The following MEGF10 variants were observed in gnomAD, a reference collection of about 807,000 sequenced individuals.
MEGF10 encodes the protein multiple EGF like domains 10, also known as multiple epidermal growth factor-like domains protein 10.
Under a neutral mutation model 147.5 loss-of-function variants are expected in MEGF10, and 86 were observed. That is an observed-to-expected ratio of 0.58 (90% CI 0.49 to 0.70). MEGF10 has a LOEUF of 0.70. Ranked by LOEUF, MEGF10 falls within the 30% of genes least tolerant of loss-of-function variation. MEGF10 has a pLI of 0.00. For synonymous variants in MEGF10, 478 were observed against 525.5 expected, an observed-to-expected ratio of 0.91 and a Z score of 1.24; for missense variants, 1,329 against 1,487.3, an observed-to-expected ratio of 0.89 and a Z score of 1.75.
chr5:127,433,591 C>T, intron 14 of MEGF10, 82 bp downstream of exon 14: 2 of 1,486,164 alleles, frequency 1.3e-6, no homozygotes, highest in Non-Finnish European at 9.1e-7. Flanking sequence ...TCCCACCTCT[C>T]AGTTTATAGT....
intron 5 of MEGF10, among the ~76,000 whole-genome samples, chr5:127,392,792 G>A (rs1454936697): frequency 6.6e-6 from 1 of 152,158 alleles, no homozygotes; most frequent in Admixed American, 6.5e-5. Context: ...TTACGGACTG[G>A]AGCTTGGATT....
At chr5:127,266,701 C>T in the MEGF10 span, among the ~76,000 whole-genome samples, 28 of 152,210 alleles carry the variant, frequency 1.8e-4, no homozygotes, top group South Asian at 4.2e-3. Context: ...TGGGAGTTCA[C>T]TCATGATTTA....
chr5:127,260,754 T>A, the MEGF10 span, among the ~76,000 whole-genome samples: 1 of 149,186 alleles, frequency 6.7e-6, no homozygotes, highest in Non-Finnish European at 1.5e-5. Context: ...CAGAGTGGAT[T>A]TTAACAAAGG....
intron 1 of MEGF10, among the ~76,000 whole-genome samples, chr5:127,306,556 G>A (rs1760021376): frequency 6.6e-6 from 1 of 151,960 alleles, no homozygotes; most frequent in Non-Finnish European, 1.5e-5. Context: ...GAAATGAGGA[G>A]GGGACTGGGC....
intron 1 of MEGF10, among the ~76,000 whole-genome samples, chr5:127,326,128 T>C (rs887785989): frequency 6.6e-6 from 1 of 151,890 alleles, no homozygotes; most frequent in South Asian, 2.1e-4. Flanking sequence ...TTGCTGAGGC[T>C]AGTCGCAAAC....
the MEGF10 span, among the ~76,000 whole-genome samples, chr5:127,271,866 C>A: frequency 1.3e-5 from 2 of 152,190 alleles, no homozygotes; most frequent in Admixed American, 6.5e-5. Context: ...TTCTTTATGG[C>A]AGCTTGAGAA....
chr5:127,269,443 C>T, the MEGF10 span, among the ~76,000 whole-genome samples: 1 of 152,150 alleles, frequency 6.6e-6, no homozygotes, highest in Admixed American at 6.5e-5. Context: ...GTGACAAATG[C>T]ACAAGCTTCA....
intron 1 of MEGF10, among the ~76,000 whole-genome samples, chr5:127,314,131 T>C (rs764716339): frequency 1.3e-5 from 2 of 152,218 alleles, no homozygotes; most frequent in Non-Finnish European, 2.9e-5. Flanking sequence ...TCCCCAGTTA[T>C]GGATCCCACT....
chr5:127,290,625 A>C (rs1214068142), upstream of MEGF10, among the ~76,000 whole-genome samples: 1 of 152,206 alleles, frequency 6.6e-6, no homozygotes, highest in East Asian at 1.9e-4. Flanking sequence ...ATCGAGGTGC[A>C]GCAGTCAGGC....
rs1007026001 is a variant in MEGF10, at chr5:127,403,065, ACTTT to A, written c.917+387_917+390del. ...AGGTACCTTTCAAAAGTATAAAGTT[ACTTT>A]CTTATGATTCAGTATTCTGTTAAGA... On this transcript the variant is annotated intron_variant, in intron 8 of 24. Coordinates refer to ENST00000503335, the MANE Select transcript of MEGF10 (RefSeq NM_001256545.2). 2.0e-4 allele frequency among the ~76,000 whole-genome samples: 30 copies of A among 152,152 alleles called. 1 individual carries two copies. The highest frequency in any genetic ancestry group is 1.8e-3 in the Admixed American group (27 of 15,272).
At chr5:127,370,092 C>T in intron 5 of MEGF10, 90 bp downstream of exon 5, 1 of 926,248 alleles carries the variant, frequency 1.1e-6, no homozygotes, top group South Asian at 1.5e-5. Context: ...TGCTTTCCCT[C>T]TTCATCCCTA....
In MEGF10 at chr5:127,447,640, A is replaced by G. The variant is rs1471659032; in HGVS notation, c.2812A>G (p.Thr938Ala). The stretch of plus-strand genomic sequence containing the variant: ...TTACCACACGCTCACCCAGTGTGCC[A>G]CATCCCCTCACGTCAACAACAGGGA... ...PSYHTLTQCA[T>A]SPHVNNRDRM... Residue 938 changes from threonine (T) to alanine (A), a missense_variant, in exon 21 of 25, where the codon ACA becomes GCA. Transcript: ENST00000503335. The G allele has an allele frequency of 3.7e-6, 6 of 1,614,034 alleles. No individual in the cohort carries two copies. The highest frequency in any genetic ancestry group is 1.3e-5 in the African/African-American group (1 of 74,922).
At chr5:127,248,617 T>C in the MEGF10 span, among the ~76,000 whole-genome samples, 1 of 151,848 alleles carries the variant, frequency 6.6e-6, no homozygotes, top group East Asian at 1.9e-4. Flanking sequence ...TAATGCAGAA[T>C]AAAAGATCAG....
chr5:127,326,689 G>A (rs995142547), intron 1 of MEGF10, among the ~76,000 whole-genome samples: 6 of 152,178 alleles, frequency 3.9e-5, no homozygotes, highest in African/African-American at 1.2e-4. Context: ...TAGATAACAC[G>A]ATGGAGTGGT....
chr5:127,325,994 T>C (rs114484030), intron 1 of MEGF10, among the ~76,000 whole-genome samples: 4,256 of 150,574 alleles, frequency 0.028, 105 homozygotes, highest in East Asian at 0.11. Flanking sequence ...GCCTTGACCT[T>C]CGAGGCTCAA....
chr5:127,450,819 C>T (rs562179523), intron 22 of MEGF10, among the ~76,000 whole-genome samples: 2 of 152,098 alleles, frequency 1.3e-5, no homozygotes, highest in South Asian at 2.1e-4. Context: ...AGTGCAGTGG[C>T]GCGATCTCGG....
the MEGF10 span, among the ~76,000 whole-genome samples, chr5:127,261,005 G>T: frequency 4.3e-4 from 66 of 152,254 alleles, no homozygotes; most frequent in Non-Finnish European, 7.2e-4. Flanking sequence ...GTTCCTATGG[G>T]GCGCTCTGCT....
chr5:127,350,404 C>T (rs1762044287), intron 4 of MEGF10, among the ~76,000 whole-genome samples: 1 of 152,030 alleles, frequency 6.6e-6, no homozygotes, highest in Non-Finnish European at 1.5e-5. Flanking sequence ...ATGTCTGTTC[C>T]CTCCCAATTG....
chr5:127,380,276 G>T (rs1382042381), intron 5 of MEGF10, among the ~76,000 whole-genome samples: 1 of 152,118 alleles, frequency 6.6e-6, no homozygotes, highest in Non-Finnish European at 1.5e-5. Context: ...TGAGACATGA[G>T]AGATGAGTAA....
Sources: allele counts gnomAD v4.1 joint callset (sites outside exome capture counted in the v4.1 genomes callset), GRCh38; gene constraint gnomAD v4.1.1; transcripts MANE v1.5; gene names NCBI Gene and HGNC (gene_info 2026-07-23, HGNC 2026-07-21).